The following OR7C1 variants were observed in gnomAD, a reference collection of about 807,000 sequenced individuals.
OR7C1 encodes olfactory receptor family 7 subfamily C member 1.
For synonymous variants in OR7C1, 152 were observed against 160.7 expected, an observed-to-expected ratio of 0.95 and a Z score of 0.41; for missense variants, 324 against 383.3, an observed-to-expected ratio of 0.85 and a Z score of 1.29.
intron 1 of OR7C1, among the ~76,000 whole-genome samples, chr19:14,811,412 T>C (rs2044690296): frequency 6.6e-6 from 1 of 151,896 alleles, no homozygotes; most frequent in African/African-American, 2.4e-5. Context: ...CCTGTGTGTG[T>C]TTTCTCCTGT....
intron 2 of OR7C1, 80 bp downstream of exon 2, chr19:14,809,726 C>T (rs952430223): frequency 6.6e-6 from 1 of 152,184 alleles, no homozygotes; most frequent in Non-Finnish European, 1.5e-5. Flanking sequence ...TTCACCATCT[C>T]ATCATTTCTG....
exon 5 of OR7C1, chr19:14,799,054 A>G: frequency 3.1e-6 from 4 of 1,279,172 alleles, no homozygotes; most frequent in Non-Finnish European, 4.2e-6. Flanking sequence ...ATTTCTTTCT[A>G]GCTCCTGTAT....
Position 14,832,896 on chromosome 19 carries a change from A to ATTAT in OR7C1, c.-623+2177_-623+2178insATAA, listed in dbSNP as rs1211935329. Among the ~76,000 whole-genome samples the ATTAT allele has an allele frequency of 1.6e-3, 245 of 152,362 alleles. 1 individual carries two copies. Among genetic ancestry groups the ATTAT allele is most frequent in the African/African-American group, 5.7e-3 (238 of 41,598 alleles). On this transcript the variant is annotated intron_variant, in intron 1 of 4. Transcript: ENST00000641666. ...GACATGCTATAATAATAATTTAATC[A>ATTAT]TATCAACATAAATTAATAAATTGGC...
At chr19:14,801,831 C>T (rs2044643459) in intron 2 of OR7C1, among the ~76,000 whole-genome samples, 1 of 152,212 alleles carries the variant, frequency 6.6e-6, no homozygotes. Flanking sequence ...TAGCACCATA[C>T]TTTTAAACAA....
At chr19:14,813,433 T>C (rs1024206638) in intron 1 of OR7C1, among the ~76,000 whole-genome samples, 69 of 151,938 alleles carry the variant, frequency 4.5e-4, no homozygotes, top group Non-Finnish European at 1.5e-5. Flanking sequence ...CGGGCGCCTG[T>C]AGTCCCAGCT....
At chr19:14,820,581 A>T (rs2044736314) in intron 1 of OR7C1, among the ~76,000 whole-genome samples, 1 of 152,142 alleles carries the variant, frequency 6.6e-6, no homozygotes, top group African/African-American at 2.4e-5. Flanking sequence ...CACAGGAAAA[A>T]AAAAAGTGTT....
chr19:14,819,091 T>C (rs528647286), intron 1 of OR7C1, among the ~76,000 whole-genome samples: 4 of 151,656 alleles, frequency 2.6e-5, no homozygotes, highest in African/African-American at 9.7e-5. Context: ...CCCCTTCCTG[T>C]GTCCACATCT....
At chr19:14,802,434 C>A (rs1381191686) in intron 2 of OR7C1, among the ~76,000 whole-genome samples, 1 of 152,150 alleles carries the variant, frequency 6.6e-6, no homozygotes, top group African/African-American at 2.4e-5. Context: ...GCAGGAGAAT[C>A]GCTTGAACCT....
At chr19:14,806,601 T>C (rs1305309717) in intron 2 of OR7C1, among the ~76,000 whole-genome samples, 1 of 152,002 alleles carries the variant, frequency 6.6e-6, no homozygotes, top group Non-Finnish European at 1.5e-5. Context: ...ATTCTCATTG[T>C]TCAGATCCCA....
intron 1 of OR7C1, among the ~76,000 whole-genome samples, chr19:14,818,834 TA>T (rs1347545213): frequency 6.6e-6 from 1 of 152,214 alleles, no homozygotes; most frequent in Non-Finnish European, 1.5e-5. Flanking sequence ...TTAGAGAGTT[TA>T]AAAAGCTTTC....
intron 2 of OR7C1, among the ~76,000 whole-genome samples, chr19:14,808,767 T>C (rs1599914971): frequency 6.6e-6 from 1 of 152,038 alleles, no homozygotes; most frequent in East Asian, 1.9e-4. Context: ...TCATTACATC[T>C]GTAAAATAAA....
In OR7C1 at chr19:14,824,035, C is replaced by A. The variant is rs548370659; in HGVS notation, c.-623+11039G>T. Among the ~76,000 whole-genome samples the A allele has an allele frequency of 9.9e-5, 15 of 152,074 alleles. No individual in the cohort carries two copies. In the South Asian group the frequency reaches 2.9e-3, roughly 29 times the overall value. ...AGTGTGCTTTCCATTTACCTTTTCC[C>A]CTCTGATTCACATGAATAATAAAAC... On this transcript the variant is annotated intron_variant, in intron 1 of 4. Coordinates refer to ENST00000641666, the Ensembl canonical transcript of OR7C1.
chr19:14,814,286 G>A lies in OR7C1; in HGVS notation c.-622-4293C>T, dbSNP rs377093020. Among the ~76,000 whole-genome samples, 6 of 147,804 alleles carry A rather than the reference G, an allele frequency of 4.1e-5. No individual in the cohort carries two copies. In the East Asian group the frequency reaches 1.2e-3, roughly 29 times the overall value. Reference sequence around the variant, plus strand: ...CATTCACAAACCATCCATCTGATAAGGGATTCATATCCAAAATATATAAGG... The same window carrying A: ...CATTCACAAACCATCCATCTGATAAAGGATTCATATCCAAAATATATAAGG... On this transcript the variant is annotated intron_variant, in intron 1 of 4. Coordinates refer to ENST00000641666, the Ensembl canonical transcript of OR7C1.
chr19:14,818,449 A>T (rs1325430216), intron 1 of OR7C1, among the ~76,000 whole-genome samples: 1 of 151,642 alleles, frequency 6.6e-6, no homozygotes, highest in East Asian at 1.9e-4. Flanking sequence ...AGATGAAAAA[A>T]ATATGTTTAT....
At chr19:14,829,236 G>A (rs950149911) in intron 1 of OR7C1, among the ~76,000 whole-genome samples, 24 of 152,174 alleles carry the variant, frequency 1.6e-4, no homozygotes, top group African/African-American at 5.8e-4. Flanking sequence ...ACAGAGTCTC[G>A]CTCTGTTGCC....
chr19:14,827,389 G>A (rs748455475), intron 1 of OR7C1: 3 of 1,613,912 alleles, frequency 1.9e-6, no homozygotes, highest in African/African-American at 2.7e-5. Context: ...AAGGGGTTCA[G>A]CATGGGGGTG....
In OR7C1 at chr19:14,800,161, G is replaced by T; in HGVS notation, c.-13-12C>A. On this transcript the variant is annotated splice_polypyrimidine_tract_variant and intron_variant, in intron 4 of 4. Transcript: ENST00000641666. Reference sequence around the variant, plus strand: ...TGGGGATAAAATAACTGCCACAAGAGAGAAAAAAGCAACAGTCAATTATCA... The same window carrying T: ...TGGGGATAAAATAACTGCCACAAGATAGAAAAAAGCAACAGTCAATTATCA... The T allele has an allele frequency of 6.6e-7, 1 of 1,516,562 alleles. No individual in the cohort carries two copies. Among genetic ancestry groups the T allele is most frequent in the South Asian group, 1.3e-5 (1 of 74,640 alleles). 93.9% of individuals were successfully genotyped at this position (1,516,562 alleles called of 1,614,324 possible). A position where few individuals can be genotyped will look rare whatever the true frequency, so the allele number is the denominator to read the frequency against.
chr19:14,800,473 A>T (rs559994571), intron 3 of OR7C1, 29 bp from the exon 4 acceptor site: 1 of 241,146 alleles, frequency 4.1e-6, no homozygotes, highest in Non-Finnish European at 7.9e-6. Flanking sequence ...CATTTTAACA[A>T]TATCACCAAG....
At chr19:14,815,788 T>C (rs552232036) in intron 1 of OR7C1, among the ~76,000 whole-genome samples, 29 of 141,006 alleles carry the variant, frequency 2.1e-4, no homozygotes, top group African/African-American at 8.1e-4. Flanking sequence ...TTTGTGCGTG[T>C]GTGTGTGTGT....
Sources: gnomAD v4.1 joint callset for allele counts (sites outside exome capture counted in the v4.1 genomes callset) on GRCh38, gnomAD v4.1.1 for gene constraint, MANE v1.5 for transcripts, NCBI Gene and HGNC (gene_info 2026-07-23, HGNC 2026-07-21) for gene names.